Variants in INSC observed in about 807,000 individuals in gnomAD.
The protein encoded by INSC is INSC spindle orientation adaptor protein, also known as protein inscuteable homolog.
Under a neutral mutation model 58.6 loss-of-function variants are expected in INSC, and 67 were observed. That is an observed-to-expected ratio of 1.14 (90% confidence interval 0.94 to 1.40). The LOEUF (loss-of-function observed/expected upper bound fraction) is 1.40, where lower values mean the gene tolerates loss of function less well. Ranked by LOEUF, INSC falls within the 40% of genes most tolerant of loss-of-function variation. The probability of loss-of-function intolerance (pLI) is 0.00; values close to 1 mark genes in which losing one functional copy is unlikely to be tolerated. For synonymous variants in INSC, 262 were observed against 276.1 expected (o/e 0.95, Z 0.51); for missense variants, 714 against 692.0 (o/e 1.03, Z -0.36).
chr11:15,242,472 T>C (rs1208749866), intron 12 of INSC, among the ~76,000 whole-genome samples: 1 of 152,176 alleles, frequency 6.6e-6, no homozygotes. Context: ...GACACTTTCA[T>C]GAAACCCCCA....
At chr11:15,218,441 G>T (rs924149425) in intron 7 of INSC, among the ~76,000 whole-genome samples, 1 of 152,192 alleles carries the variant, frequency 6.6e-6, no homozygotes, top group Non-Finnish European at 1.5e-5. Flanking sequence ...GATCATGAAA[G>T]GTGTGCTGGG....
At chr11:15,221,745 G>T (rs899647048) in intron 8 of INSC, 97 bp downstream of exon 8, 2 of 1,105,000 alleles carry the variant, frequency 1.8e-6, no homozygotes, top group Non-Finnish European at 2.6e-6. Context: ...GCCACTCATT[G>T]CACCCCAAAT....
rs915626318 is a variant in INSC at position 15,121,520 on chromosome 11, GC to G, written c.-46+6518del. On this transcript the variant is annotated intron_variant, in intron 1 of 12. Coordinates refer to ENST00000379556, the MANE Select transcript of INSC (RefSeq NM_001042536.3). Reference sequence around the variant, plus strand: ...GATTGTCCCAGTGCTGGTGATGGGAGCTTTTATCACTTGCTTAAGAATAATG... The same window carrying G: ...GATTGTCCCAGTGCTGGTGATGGGAGTTTTATCACTTGCTTAAGAATAATG... Among the ~76,000 whole-genome samples, 100 of 152,262 alleles carry G rather than the reference GC, an allele frequency of 6.6e-4. 1 individual carries two copies. The highest frequency in any genetic ancestry group is 2.4e-3 in the African/African-American group (99 of 41,528).
rs1564885137 is a variant in INSC, at chr11:15,175,826, C to T, written c.142C>T (p.Gln48Ter). The T allele has an allele frequency of 6.2e-7, 1 of 1,611,070 alleles. No homozygotes were observed. Among genetic ancestry groups the T allele is most frequent in the East Asian group, 2.2e-5 (1 of 44,748 alleles). The change falls in exon 3 of 13, where the codon CAG becomes TAG. Residue 48 changes from glutamine (Q) to a stop codon, truncating the protein, a stop_gained. Coordinates refer to ENST00000379556, the MANE Select transcript of INSC (RefSeq NM_001042536.3). LOFTEE classifies it high-confidence loss of function. Reference sequence around the variant, plus strand: ...CGAGTGCGAGTGCATGTGTGTCCTGCAGGCCAAGCCCATCAGCCTGGAAGA... The same window carrying T: ...CGAGTGCGAGTGCATGTGTGTCCTGTAGGCCAAGCCCATCAGCCTGGAAGA... Reference protein sequence around the residue: ...MTECECMCVLQAKPISLEEDA... With the variant: ...MTECECMCVL
At chr11:15,186,779 T>G (rs544989315) in intron 5 of INSC, among the ~76,000 whole-genome samples, 1 of 152,272 alleles carries the variant, frequency 6.6e-6, no homozygotes, top group South Asian at 2.1e-4. Flanking sequence ...TCCAAAAACT[T>G]TCACCTGAGA....
chr11:15,225,242 T>G (rs776543274), intron 8 of INSC, among the ~76,000 whole-genome samples: 2 of 152,232 alleles, frequency 1.3e-5, no homozygotes, highest in South Asian at 2.1e-4. Flanking sequence ...TAGCACTTGT[T>G]TATTTTCTCC....
the INSC span, among the ~76,000 whole-genome samples, chr11:15,261,054 T>C: frequency 6.6e-6 from 1 of 152,176 alleles, no homozygotes; most frequent in South Asian, 2.1e-4. Flanking sequence ...CTTGCATGAC[T>C]TTGTTAGTGA....
intron 5 of INSC, among the ~76,000 whole-genome samples, chr11:15,188,561 C>A (rs926115970): frequency 1.3e-5 from 2 of 152,158 alleles, no homozygotes; most frequent in East Asian, 3.9e-4. Context: ...TTCAGTGGAG[C>A]CTTTGATCTC....
the INSC span, among the ~76,000 whole-genome samples, chr11:15,261,192 C>T: frequency 6.6e-6 from 1 of 152,082 alleles, no homozygotes; most frequent in Non-Finnish European, 1.5e-5. Context: ...ACTTCCTTGT[C>T]CTTTAAGTGT....
intron 8 of INSC, among the ~76,000 whole-genome samples, chr11:15,222,557 C>T (rs971405959): frequency 6.6e-6 from 1 of 152,144 alleles, no homozygotes; most frequent in African/African-American, 2.4e-5. Context: ...TTATGTGCAG[C>T]AAGCCTGCGC....
intron 7 of INSC, among the ~76,000 whole-genome samples, chr11:15,204,787 T>C (rs1368147419): frequency 6.6e-6 from 1 of 152,248 alleles, no homozygotes; most frequent in Non-Finnish European, 1.5e-5. Flanking sequence ...CCTGGCCTTC[T>C]CACTGAGGTT....
chr11:15,131,487 C>T (rs1322296122), intron 1 of INSC, among the ~76,000 whole-genome samples: 1 of 152,016 alleles, frequency 6.6e-6, no homozygotes, highest in Non-Finnish European at 1.5e-5. Flanking sequence ...TTAATTCTAA[C>T]TTAAATGTGC....
chr11:15,257,365 ATTG>A, the INSC span, among the ~76,000 whole-genome samples: 1 of 152,174 alleles, frequency 6.6e-6, no homozygotes, highest in African/African-American at 2.4e-5. Context: ...ATCTCAACAT[ATTG>A]TTGGAGTAAG....
rs553291374 is a variant in INSC at position 15,200,789 on chromosome 11, C to T, written c.694-35C>T. The T allele has an allele frequency of 1.9e-6, 3 of 1,613,292 alleles. No homozygotes were observed. The South Asian group carries it at 3.3e-5, about 18-fold the overall frequency. ...TGAGTTAGCCCCAGACAAGGTCACACAGTAAGATGATGTGACATTTCTTTC... is the reference window on the plus strand; with the variant it reads ...TGAGTTAGCCCCAGACAAGGTCACATAGTAAGATGATGTGACATTTCTTTC... On this transcript the variant is annotated intron_variant, in intron 6 of 12. Coordinates refer to ENST00000379556, the MANE Select transcript of INSC (RefSeq NM_001042536.3).
chr11:15,129,359 C>T (rs1414522722), intron 1 of INSC, among the ~76,000 whole-genome samples: 1 of 152,086 alleles, frequency 6.6e-6, no homozygotes, highest in Non-Finnish European at 1.5e-5. Context: ...AAAAGTCTCT[C>T]CAATTTTTTT....
At chr11:15,176,363 A>T (rs1055899206) in intron 3 of INSC, among the ~76,000 whole-genome samples, 3 of 152,018 alleles carry the variant, frequency 2.0e-5, no homozygotes, top group Admixed American at 2.0e-4. Flanking sequence ...GGTTGAATAT[A>T]TTGACTTTAA....
intron 3 of INSC, 34 bp from the exon 4 acceptor site, chr11:15,177,077 C>G (rs1272165828): frequency 5.7e-6 from 9 of 1,586,980 alleles, no homozygotes; most frequent in Non-Finnish European, 7.8e-6. Context: ...TTAATGCTTA[C>G]TGAGTTGAAT....
upstream of INSC, among the ~76,000 whole-genome samples, chr11:15,113,216 A>C (rs1368212416): frequency 6.7e-6 from 1 of 150,252 alleles, no homozygotes; most frequent in Non-Finnish European, 1.5e-5. Flanking sequence ...GCAGTGGCAC[A>C]ATCTTGGCTC....
At chr11:15,217,625 G>A (rs1564909221) in intron 7 of INSC, among the ~76,000 whole-genome samples, 1 of 152,116 alleles carries the variant, frequency 6.6e-6, no homozygotes, top group African/African-American at 2.4e-5. Context: ...AGATCAACTT[G>A]CTGGCAGCAG....
Sources: allele counts gnomAD v4.1 joint callset (sites outside exome capture counted in the v4.1 genomes callset), GRCh38; gene constraint gnomAD v4.1.1; transcripts MANE v1.5; gene names NCBI Gene and HGNC (gene_info 2026-07-23, HGNC 2026-07-21).